PXDNL: variants seen among roughly 807,000 people sequenced by gnomAD.
PXDNL encodes the protein peroxidasin like.
A neutral mutation model predicts 150.8 loss-of-function variants in PXDNL; 145 were observed. That is an observed-to-expected ratio of 0.96 (90% CI 0.84 to 1.10). The LOEUF (loss-of-function observed/expected upper bound fraction) is 1.10. Among genes scored for constraint, PXDNL ranks in the 50% least tolerant of loss-of-function variants. The pLI is 0.00. For synonymous variants in PXDNL, 757 were observed against 725.7 expected, an observed-to-expected ratio of 1.04 and a Z score of -0.69; for missense variants, 2,087 against 1,873.9, an observed-to-expected ratio of 1.11 and a Z score of -2.10.
intron 1 of PXDNL, among the ~76,000 whole-genome samples, chr8:51,713,146 C>T (rs1816533836): frequency 6.6e-6 from 1 of 152,204 alleles, no homozygotes; most frequent in African/African-American, 2.4e-5. Context: ...TTAAAACAAG[C>T]ATACATTTGA....
chr8:51,716,895 A>G (rs10110221), intron 1 of PXDNL, among the ~76,000 whole-genome samples: 1,593 of 152,294 alleles, frequency 0.01, 23 homozygotes, highest in African/African-American at 0.032. Flanking sequence ...CTACCCTAAG[A>G]TTTGTAAATC....
chr8:51,699,088 A>G (rs1816198819), intron 1 of PXDNL, among the ~76,000 whole-genome samples: 1 of 152,206 alleles, frequency 6.6e-6, no homozygotes, highest in Non-Finnish European at 1.5e-5. Context: ...GATCTTCAGA[A>G]TGGTAAAAGA....
At chr8:51,759,658 G>C (rs6473655) in intron 1 of PXDNL, among the ~76,000 whole-genome samples, 152,042 of 152,372 alleles carry the variant, frequency 1, 75,858 homozygotes, top group Middle Eastern at 1. Context: ...CATGCTTTAA[G>C]AGCTGTGCTG....
intron 1 of PXDNL, among the ~76,000 whole-genome samples, chr8:51,670,611 T>A (rs1815479445): frequency 6.6e-6 from 1 of 152,224 alleles, no homozygotes; most frequent in Admixed American, 6.5e-5. Flanking sequence ...TGGCTCATCA[T>A]TAACCATAAC....
rs183247633 is a variant in PXDNL at position 51,742,793 on chromosome 8, T to C, written c.164+66388A>G. On this transcript the variant is annotated intron_variant, in intron 1 of 22. Coordinates refer to ENST00000356297, the MANE Select transcript of PXDNL (RefSeq NM_144651.5). ...TGCCACAGTAGGCATTTCATGATTG[T>C]CACATGAAAATAGAAAGAGAATGTT... 1.8e-3 allele frequency among the ~76,000 whole-genome samples: 281 copies of C among 152,226 alleles called. 2 individuals carry two copies. Among genetic ancestry groups the C allele is most frequent in the African/African-American group, 6.6e-3 (272 of 41,518 alleles).
chr8:51,532,650 A>C (rs1393917252), intron 4 of PXDNL, among the ~76,000 whole-genome samples: 1 of 152,214 alleles, frequency 6.6e-6, no homozygotes, highest in Non-Finnish European at 1.5e-5. Context: ...TGTAAGCAGA[A>C]TGTAAAGGCT....
intron 17 of PXDNL, among the ~76,000 whole-genome samples, chr8:51,393,560 G>A (rs527884962): frequency 1.9e-4 from 29 of 152,334 alleles, no homozygotes; most frequent in South Asian, 6.2e-4. Flanking sequence ...TGGCAGTTGC[G>A]TAATAGCAGT....
chr8:51,608,848 A>AG (rs1813934478), intron 2 of PXDNL, among the ~76,000 whole-genome samples: 4 of 151,176 alleles, frequency 2.6e-5, no homozygotes, highest in African/African-American at 9.7e-5. Context: ...AAAAAAAAAA[A>AG]AAAAAAAAAA....
chr8:51,730,419 G>T (rs1243328408), intron 1 of PXDNL, among the ~76,000 whole-genome samples: 1 of 152,138 alleles, frequency 6.6e-6, no homozygotes, highest in African/African-American at 2.4e-5. Context: ...TAATCTGGGT[G>T]TCATCAAACT....
intron 1 of PXDNL, among the ~76,000 whole-genome samples, chr8:51,667,435 A>G (rs1454982545): frequency 6.6e-6 from 1 of 152,228 alleles, no homozygotes; most frequent in East Asian, 1.9e-4. Context: ...CTAACTTTAC[A>G]CGTGGTGAAA....
chr8:51,321,684 T>G (rs1465318442), intron 21 of PXDNL, among the ~76,000 whole-genome samples: 2 of 152,144 alleles, frequency 1.3e-5, no homozygotes, highest in Non-Finnish European at 2.9e-5. Flanking sequence ...CCTTCCACCA[T>G]GATTGTAAGC....
At chr8:51,340,968 A>C (rs566039135) in intron 20 of PXDNL, among the ~76,000 whole-genome samples, 2 of 152,376 alleles carry the variant, frequency 1.3e-5, no homozygotes, top group South Asian at 2.1e-4. Flanking sequence ...ATGTATGAAG[A>C]TATAACCAAC....
At chr8:51,618,331 T>A (rs1214726378) in intron 2 of PXDNL, among the ~76,000 whole-genome samples, 3 of 152,208 alleles carry the variant, frequency 2.0e-5, no homozygotes, top group Non-Finnish European at 2.9e-5. Context: ...TTCAATATAC[T>A]TAATAGTAAA....
chr8:51,728,289 A>G (rs1483199937), intron 1 of PXDNL, among the ~76,000 whole-genome samples: 2 of 152,244 alleles, frequency 1.3e-5, no homozygotes, highest in Admixed American at 6.5e-5. Context: ...ATAAATGACT[A>G]TGTGACTGAT....
chr8:51,472,362 G>T, intron 7 of PXDNL, 58 bp from the exon 8 acceptor site: 1 of 1,317,856 alleles, frequency 7.6e-7, no homozygotes, highest in Non-Finnish European at 1.1e-6. Context: ...GGCCTTCCAA[G>T]ATGCTGAGAA....
rs192479610 is a variant in PXDNL, at chr8:51,319,972, G to A, written c.4311C>T (p.Pro1437=). ...AGGTTCCTTTCACCAATTCAGGACT[G>A]GGACAGGGAGCCGGGGGACAAATCT... ...VVEICPPAPC[P]SPELVKGTCC... The change falls in exon 23 of 23, where the codon CCC becomes CCT. Residue 1437 remains proline (P), a synonymous_variant. Coordinates refer to ENST00000356297, the MANE Select transcript of PXDNL (RefSeq NM_144651.5). 1.1e-4 allele frequency: 178 copies of A among 1,577,094 alleles called. 2 individuals carry two copies. The East Asian group carries it at 4.0e-3, about 36-fold the overall frequency.
At chr8:51,493,419 C>A (rs564807646) in intron 5 of PXDNL, among the ~76,000 whole-genome samples, 100 of 152,284 alleles carry the variant, frequency 6.6e-4, no homozygotes, top group African/African-American at 2.3e-3. Flanking sequence ...AGCAACGGAA[C>A]AAAGCTGGAA....
chr8:51,552,591 A>G (rs1044360837), intron 4 of PXDNL, among the ~76,000 whole-genome samples: 2 of 152,240 alleles, frequency 1.3e-5, no homozygotes, highest in Non-Finnish European at 2.9e-5. Context: ...ATGGAAAGCC[A>G]AATATCGTAG....
chr8:51,658,565 C>T (rs572151749), intron 1 of PXDNL, among the ~76,000 whole-genome samples: 150 of 152,186 alleles, frequency 9.9e-4, no homozygotes, highest in African/African-American at 3.4e-3. Context: ...AAACATACCC[C>T]TTCCTAATTT....
Sources: allele counts gnomAD v4.1 joint callset (sites outside exome capture counted in the v4.1 genomes callset), GRCh38; gene constraint gnomAD v4.1.1; transcripts MANE v1.5; gene names NCBI Gene and HGNC (gene_info 2026-07-23, HGNC 2026-07-21).